The following ACSL1 variants were observed in gnomAD, a reference collection of about 807,000 sequenced individuals.
ACSL1 encodes the protein long-chain-fatty-acid--CoA ligase 1.
Under a neutral mutation model 98.4 loss-of-function variants are expected in ACSL1, and 41 were observed. The ratio of observed to expected loss-of-function variants is 0.42; its 90% CI spans 0.32 to 0.54. The LOEUF (loss-of-function observed/expected upper bound fraction) is 0.54, where lower values mean the gene tolerates loss of function less well. Ranked by LOEUF, ACSL1 falls within the 20% of genes least tolerant of loss-of-function variation. The probability of loss-of-function intolerance (pLI) is 0.13; values close to 1 mark genes in which losing one functional copy is unlikely to be tolerated. For synonymous variants in ACSL1, 316 were observed against 322.7 expected, an observed-to-expected ratio of 0.98 and a Z score of 0.22; for missense variants, 734 against 883.1, an observed-to-expected ratio of 0.83 and a Z score of 2.14.
intron 1 of ACSL1, among the ~76,000 whole-genome samples, chr4:184,811,019 G>C (rs574360699): frequency 6.6e-6 from 1 of 152,344 alleles, no homozygotes; most frequent in East Asian, 1.9e-4. Context: ...CAAGAGCTGA[G>C]CACATCAGCC....
intron 1 of ACSL1, chr4:184,808,744 G>C (rs1771737864): frequency 6.5e-6 from 1 of 153,172 alleles, no homozygotes; most frequent in Non-Finnish European, 1.5e-5. Flanking sequence ...CCTAAAGTTA[G>C]ATTTGCTTAA....
At chr4:184,816,308 T>C (rs1378634721) in intron 1 of ACSL1, among the ~76,000 whole-genome samples, 1 of 152,082 alleles carries the variant, frequency 6.6e-6, no homozygotes, top group Non-Finnish European at 1.5e-5. Context: ...TTAACCAGGA[T>C]TTAGCTCATC....
At chr4:184,787,669 G>C (rs1440138993) in intron 3 of ACSL1, among the ~76,000 whole-genome samples, 12 of 152,036 alleles carry the variant, frequency 7.9e-5, no homozygotes, top group Non-Finnish European at 7.4e-5. Flanking sequence ...TTTGAGACCA[G>C]CCTGACCAAC....
At chr4:184,768,889 C>T (rs763392643) in intron 11 of ACSL1, among the ~76,000 whole-genome samples, 17 of 152,016 alleles carry the variant, frequency 1.1e-4, no homozygotes, top group Admixed American at 2.6e-4. Flanking sequence ...GGCCACGTTA[C>T]GGTGAAACCC....
intron 11 of ACSL1, among the ~76,000 whole-genome samples, chr4:184,768,788 G>A (rs1013952673): frequency 7.2e-5 from 11 of 152,112 alleles, no homozygotes; most frequent in African/African-American, 2.7e-4. Flanking sequence ...TATTTTTAGT[G>A]GCTGGGCGCG....
chr4:184,796,746 A>G (rs998463560), intron 2 of ACSL1, among the ~76,000 whole-genome samples: 1 of 152,234 alleles, frequency 6.6e-6, no homozygotes, highest in Non-Finnish European at 1.5e-5. Flanking sequence ...TTAAATACAC[A>G]TCGGATAACT....
At chr4:184,799,374 C>T (rs1272600507) in intron 2 of ACSL1, among the ~76,000 whole-genome samples, 1 of 152,048 alleles carries the variant, frequency 6.6e-6, no homozygotes, top group African/African-American at 2.4e-5. Context: ...ACCTTGGCCT[C>T]CCAAAGTGCT....
intron 1 of ACSL1, among the ~76,000 whole-genome samples, chr4:184,807,191 C>CA (rs1323952142): frequency 6.6e-6 from 1 of 152,196 alleles, no homozygotes; most frequent in African/African-American, 2.4e-5. Context: ...TGGTAAAACT[C>CA]AGACAGATTG....
chr4:184,783,984 G>C lies in ACSL1; in HGVS notation c.318C>G (p.Gly106=), dbSNP rs1198346896. The C allele has an allele frequency of 6.2e-7, 1 of 1,612,922 alleles. No individual in the cohort carries two copies. Among genetic ancestry groups the C allele is most frequent in the East Asian group, 2.2e-5 (1 of 44,860 alleles). The change falls in exon 4 of 21, where the codon GGC becomes GGG. Residue 106 remains glycine (G), a synonymous_variant. Transcript: ENST00000281455. Reference sequence around the variant, plus strand: ...CTGGTTTCCGAGAGCCTAAACAAGGGCCATTATCTAAAAAAAGAGAAAAAA... The same window carrying C: ...CTGGTTTCCGAGAGCCTAAACAAGGCCCATTATCTAAAAAAAGAGAAAAAA... ...FQRGIQVSNN[G]PCLGSRKPDQ...
Position 184,766,024 on chromosome 4 carries a change from A to G in ACSL1, c.1264-38T>C, listed in dbSNP as rs1217571355. ...GAGAGTGGGAGAAGGTGAGGGTTAC[A>G]CACCTGGAAGTCGGCGGCCTCTCCG... On this transcript the variant is annotated intron_variant, in intron 13 of 20. Transcript: ENST00000281455. The surrounding 1 kb of genome is among the most constrained non-coding windows in gnomAD (Gnocchi z 4.8). 6.2e-7 allele frequency: 1 copy of G among 1,600,456 alleles called. No individual in the cohort carries two copies. The highest frequency in any genetic ancestry group is 8.6e-7 in the Non-Finnish European group (1 of 1,169,146).
intron 1 of ACSL1, among the ~76,000 whole-genome samples, chr4:184,804,390 G>A (rs1280538659): frequency 6.6e-6 from 1 of 152,118 alleles, no homozygotes. Flanking sequence ...GATCAGCCTG[G>A]CTAACACGGT....
Position 184,773,866 on chromosome 4 carries a change from T to C in ACSL1, c.766A>G (p.Arg256Gly), listed in dbSNP as rs1455719482. Residue 256 changes from arginine to glycine, a missense_variant, in exon 8 of 21, where the codon AGA (arginine) becomes GGA (glycine). Physicochemically the swap from Arg to Gly is moderately radical, Grantham distance 125. Transcript: ENST00000281455. This position sits in a 1 kb window ranked among gnomAD's most constrained non-coding sequence, Gnocchi z 4.3. The part of the protein sequence containing the change: ...TSMKAMEDLG[R>G]ANRRKPKPPA... ...ACCTTGGGCTTCCGTCTGTTGGCTC[T>C]TCCCAGGTCCTTAATTAGAAGAGAA... The C allele has an allele frequency of 6.2e-7, 1 of 1,613,986 alleles. No individual in the cohort carries two copies. Among genetic ancestry groups the C allele is most frequent in the African/African-American group, 1.3e-5 (1 of 75,042 alleles).
At chr4:184,815,148 A>T (rs1223452789) in intron 1 of ACSL1, 7 of 455,442 alleles carry the variant, frequency 1.5e-5, no homozygotes, top group Admixed American at 2.4e-5. Context: ...AACAGTACGC[A>T]TGCACCAGGC....
At chr4:184,786,274 G>A (rs560588038) in intron 3 of ACSL1, among the ~76,000 whole-genome samples, 43 of 152,322 alleles carry the variant, frequency 2.8e-4, no homozygotes, top group African/African-American at 1.0e-3. Context: ...GAAATACGCT[G>A]TGGGAATGTA....
At chr4:184,804,577 T>C (rs1304340161) in intron 1 of ACSL1, among the ~76,000 whole-genome samples, 5 of 144,426 alleles carry the variant, frequency 3.5e-5, no homozygotes, top group African/African-American at 1.3e-4. Context: ...TGAGACCCCG[T>C]CTCAAAAAAG....
intron 7 of ACSL1, among the ~76,000 whole-genome samples, chr4:184,774,621 A>G (rs779579139): frequency 1.4e-4 from 21 of 152,190 alleles, no homozygotes; most frequent in Non-Finnish European, 2.8e-4. Flanking sequence ...GGCCACTTTA[A>G]TATCTATTAA....
chr4:184,767,972 C>A, intron 12 of ACSL1: 1 of 397,722 alleles, frequency 2.5e-6, no homozygotes, highest in Non-Finnish European at 4.4e-6. Flanking sequence ...CCATTAGCAA[C>A]TTTTGGAGAC....
chr4:184,773,276 G>A lies in ACSL1; in HGVS notation c.842-122C>T, dbSNP rs1033963478. On this transcript the variant is annotated intron_variant, in intron 9 of 20. Coordinates refer to ENST00000281455, the MANE Select transcript of ACSL1 (RefSeq NM_001995.5). This position sits in a 1 kb window ranked among gnomAD's most constrained non-coding sequence, Gnocchi z 4.3. ...GTTAGATATATCGTGAAAACCAAAT[G>A]TTGAACACTAAATTCCTAAGCAACC... 3.5e-5 allele frequency: 29 copies of A among 835,210 alleles called. No homozygotes were observed. Among genetic ancestry groups the A allele is most frequent in the Non-Finnish European group, 9.4e-6 (5 of 531,158 alleles). The allele number at this position is 835,210 out of a possible 1,614,324, so 51.7% of individuals were successfully genotyped here. A position where few individuals can be genotyped will look rare whatever the true frequency, so the allele number is the denominator to read the frequency against.
intron 2 of ACSL1, among the ~76,000 whole-genome samples, chr4:184,802,860 T>C (rs374132420): frequency 6.6e-6 from 1 of 152,196 alleles, no homozygotes. Context: ...TCCAGCCCTA[T>C]TCTATTTGAA....
Sources: allele counts gnomAD v4.1 joint callset (sites outside exome capture counted in the v4.1 genomes callset), GRCh38; gene constraint gnomAD v4.1.1; non-coding constraint Gnocchi (gnomAD v3.1); transcripts MANE v1.5; gene names NCBI Gene and HGNC (gene_info 2026-07-23, HGNC 2026-07-21).